The following CDH26 variants were observed in gnomAD, a reference collection of about 807,000 sequenced individuals.
CDH26 encodes the protein cadherin 26.
A neutral mutation model predicts 90.3 loss-of-function variants in CDH26; 83 were observed. The ratio of observed to expected loss-of-function variants is 0.92; its 90% confidence interval spans 0.77 to 1.10. The LOEUF (loss-of-function observed/expected upper bound fraction) is 1.10. Among genes scored for constraint, CDH26 ranks in the 50% least tolerant of loss-of-function variants. CDH26 has a pLI of 0.00. For synonymous variants in CDH26, 397 were observed against 396.3 expected (o/e 1.00, Z -0.02); for missense variants, 1,013 against 1,037.6 (o/e 0.98, Z 0.33).
chr20:59,969,022 A>G lies in CDH26; in HGVS notation c.125A>G (p.Lys42Arg). ...ACAGATGATCTTACTAAGCAAACAA[A>G]GGTGAGGTTTGGAAGTCAGTTTCTT... ...QETDDLTKQT[K>R]EKIYQPLRRS... Residue 42 changes from lysine to arginine, a missense_variant and splice_region_variant, in exon 2 of 18, where the codon AAG becomes AGG. Transcript: ENST00000348616. 6.3e-7 allele frequency: 1 copy of G among 1,586,974 alleles called. No individual in the cohort carries two copies.
In CDH26 at chr20:60,001,364, T is replaced by C; in HGVS notation, c.2119T>C (p.Ser707Pro). Reference sequence around the variant, plus strand: ...CTAGGATCTCGAGGAAGTGCCTCCATCTGCAGCGAGTCAGTCAGCCCAAGC... The same window carrying C: ...CTAGGATCTCGAGGAAGTGCCTCCACCTGCAGCGAGTCAGTCAGCCCAAGC... Reference protein sequence around the residue: ...GVKDLEEVPPSAASQSAQARC... With the variant: ...GVKDLEEVPPPAASQSAQARC... The change falls in exon 15 of 18, where the codon TCT becomes CCT. Residue 707 changes from serine (S) to proline (P), a missense_variant. Transcript: ENST00000348616. 6.2e-7 allele frequency: 1 copy of C among 1,614,034 alleles called. No homozygotes were observed. Among genetic ancestry groups the C allele is most frequent in the Non-Finnish European group, 8.5e-7 (1 of 1,180,002 alleles).
At chr20:59,991,236 C>A (rs2061524264) in intron 9 of CDH26, among the ~76,000 whole-genome samples, 1 of 152,196 alleles carries the variant, frequency 6.6e-6, no homozygotes, top group Non-Finnish European at 1.5e-5. Context: ...TTGCTGTCTT[C>A]CTGTCTCTTG....
At position 60,012,514 on chromosome 20, in the gene CDH26, C is replaced by G. The variant is rs368464426; in HGVS notation, c.2296-13C>G. 607 of 1,608,232 alleles carry G rather than the reference C, an allele frequency of 3.8e-4. 1 individual carries two copies. The highest frequency in any genetic ancestry group is 2.0e-4 in the Non-Finnish European group (230 of 1,176,826). On this transcript the variant is annotated splice_polypyrimidine_tract_variant and intron_variant, in intron 17 of 17. Coordinates refer to ENST00000348616, the MANE Select transcript of CDH26 (RefSeq NM_177980.4). Reference sequence around the variant, plus strand: ...CATGGCATTTACCTTCTCTTTCCCCCACTTTTCCCCAGAAACTCCATGTTG... The same window carrying G: ...CATGGCATTTACCTTCTCTTTCCCCGACTTTTCCCCAGAAACTCCATGTTG...
chr20:59,963,134 A>G (rs1298941069), intron 1 of CDH26, among the ~76,000 whole-genome samples: 1 of 152,198 alleles, frequency 6.6e-6, no homozygotes, highest in Non-Finnish European at 1.5e-5. Context: ...ATACATACAA[A>G]CACTTATACA....
intron 7 of CDH26, among the ~76,000 whole-genome samples, chr20:60,022,345 G>A (rs1302569656): frequency 6.6e-6 from 1 of 152,204 alleles, no homozygotes; most frequent in African/African-American, 2.4e-5. Context: ...TTACCCAGCA[G>A]TCCAAAGATA....
chr20:59,977,797 T>C (rs1177467527), intron 4 of CDH26, among the ~76,000 whole-genome samples: 2 of 152,014 alleles, frequency 1.3e-5, no homozygotes, highest in African/African-American at 2.4e-5. Context: ...CCAAAACCCA[T>C]AGTTTACATT....
intron 7 of CDH26, chr20:59,986,107 A>G (rs1481897466): frequency 6.6e-6 from 1 of 152,288 alleles, no homozygotes; most frequent in Admixed American, 6.5e-5. Context: ...CTCAGGGAGA[A>G]GAATCACCCT....
rs1023827594 is a variant in CDH26, at chr20:60,002,873, A to G, written c.2220+7A>G. On this transcript the variant is annotated splice_region_variant and intron_variant, in intron 16 of 17. Coordinates refer to ENST00000348616, the MANE Select transcript of CDH26 (RefSeq NM_177980.4). ...AAACATACACTCTACTCCTGTAAGT[A>G]TAGATGTAGGTGTTACCGTGAACAA... is the stretch of plus-strand genomic sequence containing the variant. The G allele has an allele frequency of 8.9e-6, 14 of 1,577,138 alleles. No homozygotes were observed. The highest frequency in any genetic ancestry group is 8.6e-5 in the Admixed American group (5 of 58,286).
At position 60,009,452 on chromosome 20, in the gene CDH26, A is replaced by G. The variant is rs144199208; in HGVS notation, c.2295+2665A>G. ...TGCGCACACACACGTGAACGCATGC[A>G]CATGCACACATACCGCTCATGCCAA... is the stretch of plus-strand genomic sequence containing the variant. On this transcript the variant is annotated intron_variant, in intron 17 of 17. Transcript: ENST00000348616. Among the ~76,000 whole-genome samples the G allele has an allele frequency of 2.1e-3, 321 of 152,340 alleles. 1 individual carries two copies. The highest frequency in any genetic ancestry group is 7.4e-3 in the African/African-American group (309 of 41,580).
chr20:59,981,117 ACT>A (rs780975105), intron 4 of CDH26, among the ~76,000 whole-genome samples: 5 of 151,972 alleles, frequency 3.3e-5, no homozygotes, highest in Non-Finnish European at 7.4e-5. Flanking sequence ...TCAATACTAT[ACT>A]CTCTGGATTA....
chr20:59,985,782 T>G (rs547715919), intron 7 of CDH26, among the ~76,000 whole-genome samples: 15 of 152,258 alleles, frequency 9.9e-5, no homozygotes, highest in Non-Finnish European at 1.9e-4. Flanking sequence ...CATTTTTGAC[T>G]GCTGTATGCC....
intron 7 of CDH26, among the ~76,000 whole-genome samples, chr20:60,025,168 G>C (rs542224341): frequency 6.6e-6 from 1 of 152,328 alleles, no homozygotes; most frequent in South Asian, 2.1e-4. Flanking sequence ...ACTGTGTTCT[G>C]TCATTCATCG....
intron 1 of CDH26, among the ~76,000 whole-genome samples, 185 bp downstream of exon 1, chr20:59,958,980 G>T (rs1251428538): frequency 6.6e-6 from 1 of 152,244 alleles, no homozygotes; most frequent in African/African-American, 2.4e-5. Context: ...GGGAAGTTAA[G>T]GGTCCCAGTC....
chr20:60,022,139 C>T (rs2061963454), intron 7 of CDH26, among the ~76,000 whole-genome samples: 1 of 151,920 alleles, frequency 6.6e-6, no homozygotes, highest in Admixed American at 6.6e-5. Context: ...TCAAGTCTAC[C>T]TACATGCTTA....
At chr20:60,015,615 A>T (rs1099722), downstream of CDH26, among the ~76,000 whole-genome samples, 136,421 of 151,970 alleles carry the variant, frequency 0.9, 61,371 homozygotes, top group Non-Finnish European at 0.91. Flanking sequence ...TGTGCAGAAA[A>T]TTTTTCGTTT....
chr20:59,972,296 T>A (rs2145975689), intron 4 of CDH26, among the ~76,000 whole-genome samples, 173 bp downstream of exon 4: 1 of 152,278 alleles, frequency 6.6e-6, no homozygotes, highest in African/African-American at 2.4e-5. Context: ...TCTTTTAGAG[T>A]TGTGGACTTT....
At chr20:60,010,619 G>C (rs1247307181) in intron 17 of CDH26, among the ~76,000 whole-genome samples, 7 of 152,192 alleles carry the variant, frequency 4.6e-5, no homozygotes, top group Non-Finnish European at 1.5e-5. Context: ...TGGCAGAGGA[G>C]GGCTGTCTAG....
At chr20:60,028,885 G>T (rs1046482621) in intron 7 of CDH26, among the ~76,000 whole-genome samples, 1 of 152,144 alleles carries the variant, frequency 6.6e-6, no homozygotes, top group Non-Finnish European at 1.5e-5. Context: ...GCACTCTCAC[G>T]TTCGCTGCAG....
At chr20:60,020,273 G>A (rs2061941978) in intron 7 of CDH26, among the ~76,000 whole-genome samples, 1 of 152,218 alleles carries the variant, frequency 6.6e-6, no homozygotes, top group African/African-American at 2.4e-5. Context: ...AGCCTGGAAG[G>A]TATCTTCCTG....
Sources: gnomAD v4.1 joint callset for allele counts (sites outside exome capture counted in the v4.1 genomes callset) on GRCh38, gnomAD v4.1.1 for gene constraint, MANE v1.5 for transcripts, NCBI Gene and HGNC (gene_info 2026-07-23, HGNC 2026-07-21) for gene names.